COL13A1: variants seen among roughly 807,000 people sequenced by gnomAD.
COL13A1 encodes the protein collagen type XIII alpha 1 chain.
A neutral mutation model predicts 130.9 loss-of-function variants in COL13A1; 89 were observed. The observed-to-expected ratio is 0.68, with a 90% CI of 0.57 to 0.81. The LOEUF is 0.81. Ranked by LOEUF, COL13A1 falls within the 30% of genes least tolerant of loss-of-function variation. The pLI, the probability that COL13A1 is intolerant of heterozygous loss-of-function variation, is 0.00. For missense variants in COL13A1, 879 were observed against 934.6 expected, an observed-to-expected ratio of 0.94 and a Z score of 0.78; for synonymous variants, 402 against 341.6, an observed-to-expected ratio of 1.18 and a Z score of -1.95.
intron 33 of COL13A1, 109 bp downstream of exon 33, chr10:69,936,891 A>G (rs2066999505): frequency 7.7e-6 from 10 of 1,295,528 alleles, no homozygotes; most frequent in Non-Finnish European, 9.9e-6. Flanking sequence ...GTGACACTCC[A>G]GCCAAGGGGG....
chr10:69,804,451 C>T (rs1001523042), intron 1 of COL13A1, among the ~76,000 whole-genome samples: 2 of 152,044 alleles, frequency 1.3e-5, no homozygotes, highest in African/African-American at 2.4e-5. Context: ...CTCCTTCCCT[C>T]CAAGCTGCAG....
At chr10:69,942,011 C>A (rs1589676380) in intron 35 of COL13A1, among the ~76,000 whole-genome samples, 1 of 152,208 alleles carries the variant, frequency 6.6e-6, no homozygotes, top group East Asian at 1.9e-4. Flanking sequence ...CTGGAGCCAC[C>A]CTCAGGGGAG....
Position 69,802,521 on chromosome 10 carries a change from C to A in COL13A1, c.98C>A (p.Ala33Glu). ...PGTVALVAAR[A>E]ERGARLPSPG... ...ACGGTGGCTCTGGTGGCGGCGCGGG[C>A]GGAGCGCGGCGCACGGCTGCCGAGT... The change falls in exon 1 of 41, where the codon GCG (alanine) becomes GAG (glutamate). Residue 33 changes from alanine (A) to glutamate (E), a missense_variant. By Grantham distance (107) the Ala-to-Glu change is moderately radical. Coordinates refer to ENST00000645393, the MANE Select transcript of COL13A1 (RefSeq NM_001368882.1). The A allele has an allele frequency of 5.7e-6, 9 of 1,568,380 alleles. No individual in the cohort carries two copies. Among genetic ancestry groups the A allele is most frequent in the Non-Finnish European group, 7.8e-6 (9 of 1,160,798 alleles).
At chr10:69,895,442 G>A in intron 12 of COL13A1, 108 bp from the exon 13 acceptor site, 2 of 1,197,872 alleles carry the variant, frequency 1.7e-6, no homozygotes. Context: ...CAGGAGGGCT[G>A]GTGAGCGGTG....
rs79129457 is a variant in COL13A1, at chr10:69,941,319, G to C, written c.1914+296G>C. Among the ~76,000 whole-genome samples, 821 of 152,290 alleles carry C rather than the reference G, an allele frequency of 5.4e-3. 9 individuals carry two copies. The highest frequency in any genetic ancestry group is 0.027 in the Middle Eastern group (8 of 294). On this transcript the variant is annotated intron_variant, in intron 35 of 40. Coordinates refer to ENST00000645393, the MANE Select transcript of COL13A1 (RefSeq NM_001368882.1). ...CCGCTCCTGATTCCACAGGAATGCT[G>C]AGTCCAGCCTGGGTGCCCAGCCCTG...
intron 2 of COL13A1, among the ~76,000 whole-genome samples, chr10:69,841,398 G>T (rs1295435181): frequency 6.6e-6 from 1 of 152,124 alleles, no homozygotes; most frequent in Non-Finnish European, 1.5e-5. Flanking sequence ...CTCCCCTCTG[G>T]ACAGTTAGCT....
At chr10:69,824,931 G>A (rs73265651) in intron 2 of COL13A1, among the ~76,000 whole-genome samples, 2,736 of 152,268 alleles carry the variant, frequency 0.018, 87 homozygotes, top group African/African-American at 0.063. Context: ...ATGGCCACAC[G>A]GAAGCATTTC....
intron 38 of COL13A1, 92 bp downstream of exon 38, chr10:69,947,434 A>T: frequency 1.6e-6 from 2 of 1,266,222 alleles, no homozygotes; most frequent in Non-Finnish European, 2.2e-6. Context: ...CAACATGGCG[A>T]ACAGTTTTTC....
In COL13A1 at chr10:69,866,267, A is replaced by T. The variant is rs150494043; in HGVS notation, c.365-1531A>T. On this transcript the variant is annotated intron_variant, in intron 2 of 40. Coordinates refer to ENST00000645393, the MANE Select transcript of COL13A1 (RefSeq NM_001368882.1). ...AGAGCTCCAGTCTGTGTCACTGGGGACATCTCAGAGCTCTAGCCTGTGTCA... is the reference window on the plus strand; with the variant it reads ...AGAGCTCCAGTCTGTGTCACTGGGGTCATCTCAGAGCTCTAGCCTGTGTCA... Among the ~76,000 whole-genome samples the T allele has an allele frequency of 3.7e-3, 563 of 152,262 alleles. 5 individuals are homozygous for T. Among genetic ancestry groups the T allele is most frequent in the African/African-American group, 0.013 (543 of 41,560 alleles).
At chr10:69,945,793 C>T in intron 37 of COL13A1, 69 bp downstream of exon 37, 4 of 1,554,930 alleles carry the variant, frequency 2.6e-6, no homozygotes, top group Non-Finnish European at 3.5e-6. Flanking sequence ...CCACGGCCGG[C>T]CGGGCATGGT....
At chr10:69,905,962 C>T (rs2062710338) in intron 17 of COL13A1, 140 bp downstream of exon 17, 1 of 885,368 alleles carries the variant, frequency 1.1e-6, no homozygotes, top group Admixed American at 2.8e-5. Context: ...TCTCACTGGC[C>T]CCCCGAGGGC....
intron 5 of COL13A1, chr10:69,877,738 CA>C: frequency 5.3e-6 from 2 of 380,760 alleles, no homozygotes; most frequent in Non-Finnish European, 4.9e-6. Context: ...CACACACACA[CA>C]CACACACGTA....
chr10:69,933,797 TATAGTAATAATACTA>T (rs2066469708), intron 31 of COL13A1, among the ~76,000 whole-genome samples: 1 of 152,174 alleles, frequency 6.6e-6, no homozygotes, highest in East Asian at 1.9e-4. Flanking sequence ...TTAAATAACT[TATAGTAATAATACTA>T]ATAGTAATAA....
intron 32 of COL13A1, among the ~76,000 whole-genome samples, chr10:69,936,116 GGAAGGAAGGAAAGA>G (rs1565118650): frequency 3.6e-5 from 3 of 82,374 alleles, no homozygotes; most frequent in African/African-American, 1.7e-4. Context: ...AAGGAAGGAA[GGAAGGAAGGAAAGA>G]AGGAAGGAAG....
At position 69,883,893 on chromosome 10, in the gene COL13A1, C is replaced by A. The variant is rs1036492718; in HGVS notation, c.513+3340C>A. ...GCTGGCTGGAAGGCACTTGCAACAA[C>A]CAAGGCCTGGACTGGAGCAGAATCG... is the stretch of plus-strand genomic sequence containing the variant. On this transcript the variant is annotated intron_variant, in intron 7 of 40. Coordinates refer to ENST00000645393, the MANE Select transcript of COL13A1 (RefSeq NM_001368882.1). Among the ~76,000 whole-genome samples the A allele has an allele frequency of 2.0e-5, 3 of 152,138 alleles. No homozygotes were observed. The South Asian group carries it at 6.2e-4, about 32-fold the overall frequency.
At position 69,947,329 on chromosome 10, in the gene COL13A1, A is replaced by T. The variant is rs755436622; in HGVS notation, c.2045A>T (p.Asp682Val). Residue 682 changes from aspartate to valine, a missense_variant, in exon 38 of 41, where the codon GAC becomes GTC. Asp to Val is a radical substitution (Grantham distance 152). Transcript: ENST00000645393. ...CAGGGTTTACATGGACCACCCGGGG[A>T]CAAGGGAAACCGGGTGAGTCTGAGC... ...GLPGLHGPPG[D>V]KGNRGERGKK... The T allele has an allele frequency of 2.2e-5, 36 of 1,612,810 alleles. No homozygotes were observed. Among genetic ancestry groups the T allele is most frequent in the Non-Finnish European group, 2.8e-5 (33 of 1,179,412 alleles).
chr10:69,866,002 T>C (rs2058478256), intron 2 of COL13A1, among the ~76,000 whole-genome samples: 1 of 152,130 alleles, frequency 6.6e-6, no homozygotes, highest in South Asian at 2.1e-4. Context: ...GGAAAACCCC[T>C]CGAATTGTGC....
At position 69,822,445 on chromosome 10, in the gene COL13A1, A is replaced by G. The variant is rs1292003438; in HGVS notation, c.364+7A>G. On this transcript the variant is annotated splice_region_variant and intron_variant, in intron 2 of 40. Coordinates refer to ENST00000645393, the MANE Select transcript of COL13A1 (RefSeq NM_001368882.1). ...GGATGTAACTGCCCACCAGGTAAGC[A>G]GCCCTGCAAATAGGTGACCGCGGAT... 1 of 1,583,286 alleles carries G rather than the reference A, an allele frequency of 6.3e-7. No individual in the cohort carries two copies.
rs1403235499 is a variant in COL13A1, at chr10:69,887,093, G to A, written c.514-363G>A. ...ATAAAAAAGGGCTTAGAGGATCGCC[G>A]TCCAGGAGTTCCATGTGCTGCGGGC... On this transcript the variant is annotated intron_variant, in intron 7 of 40. Coordinates refer to ENST00000645393, the MANE Select transcript of COL13A1 (RefSeq NM_001368882.1). 4.6e-5 allele frequency among the ~76,000 whole-genome samples: 7 copies of A among 152,302 alleles called. No homozygotes were observed. The South Asian group carries it at 8.3e-4, about 18-fold the overall frequency.
Sources: allele counts gnomAD v4.1 joint callset (sites outside exome capture counted in the v4.1 genomes callset), GRCh38; gene constraint gnomAD v4.1.1; transcripts MANE v1.5; gene names NCBI Gene and HGNC (gene_info 2026-07-23, HGNC 2026-07-21).